The following FBXO34 variants were observed in gnomAD, a reference collection of about 807,000 sequenced individuals.
The protein encoded by FBXO34 is F-box only protein 34.
In FBXO34, 12 loss-of-function variants were observed where a neutral mutation model predicts 24.5. That is an observed-to-expected ratio of 0.49 (90% CI 0.31 to 0.79). FBXO34 has a LOEUF of 0.79. FBXO34 is among the 30% of genes least tolerant of loss of function. The pLI, the probability that FBXO34 is intolerant of heterozygous loss-of-function variation, is 0.04. For missense variants in FBXO34, 823 were observed against 857.7 expected (o/e 0.96, Z 0.51); for synonymous variants, 320 against 311.9 (o/e 1.03, Z -0.27).
the FBXO34 span, among the ~76,000 whole-genome samples, chr14:55,405,332 C>T: frequency 1.3e-5 from 2 of 152,166 alleles, no homozygotes; most frequent in South Asian, 4.1e-4. Context: ...TAAATTTCTT[C>T]CTCATCCTTT....
chr14:55,280,315 A>C (rs1388254312), intron 1 of FBXO34, among the ~76,000 whole-genome samples: 1 of 152,120 alleles, frequency 6.6e-6, no homozygotes, highest in African/African-American at 2.4e-5. Context: ...CATGGATCCA[A>C]CCAACCTCAG....
chr14:55,298,722 G>A, intron 1 of FBXO34: 3 of 1,571,320 alleles, frequency 1.9e-6, no homozygotes, highest in Non-Finnish European at 1.7e-6. Flanking sequence ...GCGGGACACG[G>A]AGGAGATGTT....
intron 1 of FBXO34, among the ~76,000 whole-genome samples, chr14:55,308,797 G>T (rs1259948667): frequency 6.6e-6 from 1 of 152,214 alleles, no homozygotes; most frequent in Non-Finnish European, 1.5e-5. Context: ...GCTTGAGAAT[G>T]ATTATGGTTT....
chr14:55,338,674 C>T (rs1883876681), intron 1 of FBXO34, among the ~76,000 whole-genome samples: 1 of 152,026 alleles, frequency 6.6e-6, no homozygotes, highest in Non-Finnish European at 1.5e-5. Context: ...TTTGGGAGGC[C>T]AAGGTGGGTG....
chr14:55,331,727 ATGTATATATATATGTGTG>A (rs1883568464), intron 1 of FBXO34, among the ~76,000 whole-genome samples: 1 of 49,842 alleles, frequency 2.0e-5, no homozygotes, highest in African/African-American at 2.0e-4. Context: ...GTATATATAT[ATGTATATATATATGTGTG>A]TATATATATA....
intron 1 of FBXO34, among the ~76,000 whole-genome samples, chr14:55,290,684 G>A (rs997652202): frequency 3.3e-5 from 5 of 152,198 alleles, no homozygotes; most frequent in Non-Finnish European, 5.9e-5. Context: ...TCACTTCATA[G>A]CAGTTTGAAT....
the FBXO34 span, chr14:55,440,259 C>T: frequency 9.0e-7 from 1 of 1,105,976 alleles, no homozygotes; most frequent in Non-Finnish European, 1.3e-6. Context: ...AGCTTCTAAC[C>T]TTCAACTTAA....
rs1868804526 is a variant in FBXO34 at position 55,351,601 on chromosome 14, A to T, written c.1211A>T (p.Asp404Val). 6.2e-7 allele frequency: 1 copy of T among 1,614,204 alleles called. No homozygotes were observed. Among genetic ancestry groups the T allele is most frequent in the Non-Finnish European group, 8.5e-7 (1 of 1,180,036 alleles). ...GCCGTGAAAAACAGCAACAGATATG[A>T]TGTGGAAATGACAGATGAACTCGTT... ...QTAVKNSNRY[D>V]VEMTDELVGL... is the part of the protein sequence containing the mutation. The change falls in exon 2 of 2, where the codon GAT (aspartate) becomes GTT (valine). Residue 404 changes from aspartate to valine, a missense_variant. Around this residue, in one of 2 missense-constraint regions of FBXO34, gnomAD observed 693 missense variants for 659.1 expected, o/e 1.05. Transcript: ENST00000313833.
the FBXO34 span, among the ~76,000 whole-genome samples, chr14:55,400,887 G>C: frequency 6.6e-6 from 1 of 151,050 alleles, no homozygotes; most frequent in African/African-American, 2.4e-5. Context: ...CTGGGTGACA[G>C]AGTGAGACTG....
the FBXO34 span, among the ~76,000 whole-genome samples, chr14:55,440,789 T>C: frequency 6.6e-6 from 1 of 151,604 alleles, no homozygotes; most frequent in Non-Finnish European, 1.5e-5. Context: ...CCTTCGATAC[T>C]CGCAATGTGG....
At position 55,286,702 on chromosome 14, in the gene FBXO34, T is replaced by G. The variant is rs117384303; in HGVS notation, c.-11+15165T>G. Among the ~76,000 whole-genome samples the G allele has an allele frequency of 1.8e-4, 27 of 152,284 alleles. 1 individual carries two copies. The East Asian group carries it at 5.2e-3, about 29-fold the overall frequency. On this transcript the variant is annotated intron_variant, in intron 1 of 1. Coordinates refer to ENST00000313833, the MANE Select transcript of FBXO34 (RefSeq NM_017943.4). ...TAAGAATTTTTAAAGGATAAGTGAT[T>G]TTGTTTGTAACCCTACAACCCTGTT...
chr14:55,306,795 G>A (rs1342347610), intron 1 of FBXO34, among the ~76,000 whole-genome samples: 3 of 151,692 alleles, frequency 2.0e-5, no homozygotes, highest in Admixed American at 6.6e-5. Flanking sequence ...ATTGCATCAC[G>A]GCAGTTCAGC....
intron 1 of FBXO34, among the ~76,000 whole-genome samples, chr14:55,345,942 G>C (rs541213358): frequency 1.3e-5 from 2 of 152,286 alleles, no homozygotes; most frequent in East Asian, 3.9e-4. Flanking sequence ...GGAGGTTGAG[G>C]CTGCAGTGAG....
chr14:55,354,041 G>A (rs1646716031), downstream of FBXO34, among the ~76,000 whole-genome samples: 2 of 152,184 alleles, frequency 1.3e-5, no homozygotes, highest in Admixed American at 6.5e-5. Context: ...ACCAGTGTCG[G>A]CTGCAGGCTG....
the FBXO34 span, among the ~76,000 whole-genome samples, chr14:55,400,339 G>A: frequency 6.6e-6 from 1 of 152,138 alleles, no homozygotes; most frequent in Non-Finnish European, 1.5e-5. Flanking sequence ...GTGTGTGTAG[G>A]GGGATCCATA....
At chr14:55,393,210 T>C in the FBXO34 span, among the ~76,000 whole-genome samples, 1 of 139,572 alleles carries the variant, frequency 7.2e-6, no homozygotes, top group African/African-American at 2.5e-5. Flanking sequence ...TGAAACCCCG[T>C]CTCTACTAAA....
chr14:55,303,936 A>G (rs1022233875), intron 1 of FBXO34, among the ~76,000 whole-genome samples: 1 of 152,196 alleles, frequency 6.6e-6, no homozygotes. Context: ...TCTGGGACTG[A>G]TGTAAAGAAT....
chr14:55,377,971 C>A, the FBXO34 span: 9 of 1,600,248 alleles, frequency 5.6e-6, no homozygotes, highest in South Asian at 1.0e-4. Context: ...AGTTCACAAC[C>A]TATTTTTCAT....
the FBXO34 span, among the ~76,000 whole-genome samples, chr14:55,386,651 G>A: frequency 6.6e-6 from 1 of 152,306 alleles, no homozygotes; most frequent in Middle Eastern, 3.4e-3. Flanking sequence ...ATCTGGTGAG[G>A]TATCTAGACA....
Sources: allele counts gnomAD v4.1 joint callset (sites outside exome capture counted in the v4.1 genomes callset), GRCh38; gene constraint gnomAD v4.1.1; regional missense constraint gnomAD v4.1.1; transcripts MANE v1.5; gene names NCBI Gene and HGNC (gene_info 2026-07-23, HGNC 2026-07-21).